RIT2: variants seen among roughly 807,000 people sequenced by gnomAD.
RIT2 encodes the protein GTP-binding protein Rit2.
RIT2 carries 24 observed loss-of-function variants against 23.7 expected under a neutral mutation model. The observed-to-expected ratio is 1.01, with a 90% confidence interval of 0.73 to 1.43. RIT2 has a LOEUF of 1.43. Ranked by LOEUF, RIT2 falls within the 40% of genes most tolerant of loss-of-function variation. RIT2 has a pLI of 0.00. For missense variants in RIT2, 236 were observed against 266.9 expected (o/e 0.88, Z 0.81); for synonymous variants, 107 against 91.1 (o/e 1.17, Z -0.99).
chr18:42,861,048 T>A (rs1789173434), intron 4 of RIT2, among the ~76,000 whole-genome samples: 1 of 152,200 alleles, frequency 6.6e-6, no homozygotes, highest in African/African-American at 2.4e-5. Context: ...TTTACTTTGT[T>A]TATAACAGAC....
chr18:43,048,815 T>C (rs1043042631), intron 1 of RIT2, among the ~76,000 whole-genome samples: 2 of 152,160 alleles, frequency 1.3e-5, no homozygotes, highest in African/African-American at 4.8e-5. Flanking sequence ...TACATTTCAA[T>C]CAACTGGTGT....
chr18:42,869,443 A>G (rs1328477118), intron 4 of RIT2, among the ~76,000 whole-genome samples: 1 of 152,228 alleles, frequency 6.6e-6, no homozygotes, highest in Non-Finnish European at 1.5e-5. Context: ...TGTACATGAC[A>G]GTATTTCAGT....
intron 2 of RIT2, among the ~76,000 whole-genome samples, chr18:42,987,303 A>G (rs747764636): frequency 5.7e-4 from 87 of 152,198 alleles, no homozygotes; most frequent in Non-Finnish European, 4.3e-4. Context: ...TGATGTGAGA[A>G]GAAGCATGAA....
chr18:42,796,265 G>A (rs943044726), intron 4 of RIT2, among the ~76,000 whole-genome samples: 1 of 152,110 alleles, frequency 6.6e-6, no homozygotes, highest in African/African-American at 2.4e-5. Context: ...GCTGCCTTAA[G>A]AGCTGTAACA....
intron 1 of RIT2, among the ~76,000 whole-genome samples, chr18:43,085,792 G>A (rs1913269668): frequency 6.6e-6 from 1 of 152,238 alleles, no homozygotes; most frequent in East Asian, 1.9e-4. Flanking sequence ...CCCACATGTG[G>A]TGGGAGGGAC....
chr18:42,872,553 T>C (rs905204304), intron 4 of RIT2, among the ~76,000 whole-genome samples: 5 of 152,360 alleles, frequency 3.3e-5, no homozygotes, highest in Admixed American at 1.3e-4. Flanking sequence ...ATCTGGTGTC[T>C]CAAAAGTCTT....
At chr18:42,929,530 C>G (rs1909275209) in intron 3 of RIT2, among the ~76,000 whole-genome samples, 1 of 152,092 alleles carries the variant, frequency 6.6e-6, no homozygotes, top group African/African-American at 2.4e-5. Context: ...TTGAAGGGTA[C>G]TTGGAATCCA....
chr18:42,973,930 TTTTAAAA>T (rs1450008649), intron 3 of RIT2, 137 bp downstream of exon 3: 1 of 577,684 alleles, frequency 1.7e-6, no homozygotes, highest in Non-Finnish European at 3.0e-6. Flanking sequence ...ATTTTGATTC[TTTTAAAA>T]TTTAATTCCT....
chr18:42,945,701 A>G (rs1231462351), intron 3 of RIT2, among the ~76,000 whole-genome samples: 1 of 152,122 alleles, frequency 6.6e-6, no homozygotes, highest in Non-Finnish European at 1.5e-5. Flanking sequence ...TATCCTTTTT[A>G]AAACATGCAT....
chr18:42,752,887 G>C (rs1034202839), intron 4 of RIT2, among the ~76,000 whole-genome samples: 6 of 152,084 alleles, frequency 3.9e-5, no homozygotes, highest in East Asian at 1.9e-4. Flanking sequence ...ACACCTGGAG[G>C]CCTTAGAAAG....
At chr18:43,031,123 CTTG>C (rs1414548654) in intron 2 of RIT2, among the ~76,000 whole-genome samples, 4 of 151,530 alleles carry the variant, frequency 2.6e-5, no homozygotes, top group Non-Finnish European at 5.9e-5. Context: ...AGCTTTGTCA[CTTG>C]TTGTGCTGTC....
At chr18:42,858,192 A>C (rs1907237614) in intron 4 of RIT2, among the ~76,000 whole-genome samples, 1 of 152,176 alleles carries the variant, frequency 6.6e-6, no homozygotes, top group African/African-American at 2.4e-5. Context: ...AAAAACAAAC[A>C]AACATTTGCA....
chr18:42,773,491 G>T (rs1446711247), intron 4 of RIT2, among the ~76,000 whole-genome samples: 3 of 152,172 alleles, frequency 2.0e-5, no homozygotes, highest in Non-Finnish European at 4.4e-5. Flanking sequence ...GACTTGAATA[G>T]TTAGCCAGTA....
At chr18:42,757,614 G>T (rs1913194862) in intron 4 of RIT2, among the ~76,000 whole-genome samples, 1 of 152,144 alleles carries the variant, frequency 6.6e-6, no homozygotes. Context: ...ACGGAGACAG[G>T]CATTTTTTGA....
chr18:42,797,210 G>A (rs938217219), intron 4 of RIT2, among the ~76,000 whole-genome samples: 1 of 152,036 alleles, frequency 6.6e-6, no homozygotes, highest in Non-Finnish European at 1.5e-5. Context: ...TGGAAATCAG[G>A]CATATAATCT....
At chr18:43,061,870 G>C (rs540304328) in intron 1 of RIT2, among the ~76,000 whole-genome samples, 1 of 151,980 alleles carries the variant, frequency 6.6e-6, no homozygotes. Context: ...CAAGAACCTG[G>C]AACTCGCTAA....
intron 1 of RIT2, among the ~76,000 whole-genome samples, chr18:43,039,232 A>G (rs1912067168): frequency 6.6e-6 from 1 of 152,106 alleles, no homozygotes; most frequent in African/African-American, 2.4e-5. Flanking sequence ...ATTTCATTTA[A>G]GTACTTGACT....
At chr18:42,843,236 T>C (rs1040342854) in intron 4 of RIT2, among the ~76,000 whole-genome samples, 1 of 152,152 alleles carries the variant, frequency 6.6e-6, no homozygotes. Context: ...ATACTTGTCT[T>C]GTGGAGCATT....
At chr18:42,789,136 T>C (rs1451631585) in intron 4 of RIT2, among the ~76,000 whole-genome samples, 3 of 152,208 alleles carry the variant, frequency 2.0e-5, no homozygotes, top group Non-Finnish European at 4.4e-5. Flanking sequence ...TAGAATTGGG[T>C]GCCACTATGT....
Sources: allele counts gnomAD v4.1 joint callset (sites outside exome capture counted in the v4.1 genomes callset), GRCh38; gene constraint gnomAD v4.1.1; transcripts MANE v1.5; gene names NCBI Gene and HGNC (gene_info 2026-07-23, HGNC 2026-07-21).